MSI2: variants seen among roughly 807,000 people sequenced by gnomAD.
The protein encoded by MSI2 is musashi RNA binding protein 2.
Under a neutral mutation model 45.6 loss-of-function variants are expected in MSI2, and 17 were observed. The ratio of observed to expected loss-of-function variants is 0.37; its 90% confidence interval spans 0.26 to 0.56. The LOEUF (loss-of-function observed/expected upper bound fraction) is 0.56, where lower values mean the gene tolerates loss of function less well. MSI2 is among the 20% of genes least tolerant of loss of function. The pLI is 0.77. For missense variants in MSI2, 293 were observed against 444.2 expected (o/e 0.66, Z 3.06); for synonymous variants, 156 against 158.2 (o/e 0.99, Z 0.11).
At chr17:57,605,355 G>C (rs1906437045) in intron 8 of MSI2, among the ~76,000 whole-genome samples, 1 of 152,236 alleles carries the variant, frequency 6.6e-6, no homozygotes, top group Non-Finnish European at 1.5e-5. Context: ...CCTGCAGGGA[G>C]TGGCCTCCCA....
chr17:57,423,889 T>C (rs567577163), intron 6 of MSI2, among the ~76,000 whole-genome samples: 1 of 152,340 alleles, frequency 6.6e-6, no homozygotes, highest in Admixed American at 6.5e-5. Context: ...TACAATATTA[T>C]TAAAAATCCA....
chr17:57,384,041 T>C (rs1378570863), intron 5 of MSI2, among the ~76,000 whole-genome samples: 1 of 152,276 alleles, frequency 6.6e-6, no homozygotes. Context: ...CTCTTCATCC[T>C]ACTAAACATC....
At chr17:57,425,800 G>C (rs184223576) in intron 6 of MSI2, among the ~76,000 whole-genome samples, 3 of 152,268 alleles carry the variant, frequency 2.0e-5, no homozygotes, top group African/African-American at 7.2e-5. Context: ...ATAATAATAC[G>C]TTTTACAATT....
At chr17:57,493,781 C>T (rs2085922288) in intron 6 of MSI2, among the ~76,000 whole-genome samples, 1 of 152,036 alleles carries the variant, frequency 6.6e-6, no homozygotes, top group African/African-American at 2.4e-5. Flanking sequence ...GGTAGCCTTG[C>T]TCTTCCTCCC....
chr17:57,667,746 T>G (rs532030519), intron 11 of MSI2, among the ~76,000 whole-genome samples: 1 of 152,342 alleles, frequency 6.6e-6, no homozygotes, highest in East Asian at 1.9e-4. Context: ...CATTCAAGGC[T>G]GCTCCATCCC....
chr17:57,681,238 A>C lies in MSI2; in HGVS notation c.*1721A>C, dbSNP rs1417366167. ...ATACTTATGATGAAGGATATTTTTTAATTTAACTTTTTTTTAAATATTGGT... is the reference window on the plus strand; with the variant it reads ...ATACTTATGATGAAGGATATTTTTTCATTTAACTTTTTTTTAAATATTGGT... On this transcript the variant is annotated 3_prime_UTR_variant, in exon 14 of 14. Coordinates refer to ENST00000284073, the MANE Select transcript of MSI2 (RefSeq NM_138962.4). 2.2e-5 allele frequency: 4 copies of C among 184,744 alleles called. No homozygotes were observed. In the Admixed American group the frequency reaches 2.5e-4, roughly 12 times the overall value. The allele number at this position is 184,744 out of a possible 1,614,324, so 11.4% of individuals were successfully genotyped here.
At chr17:57,428,142 T>C (rs906077789) in intron 6 of MSI2, among the ~76,000 whole-genome samples, 2 of 152,214 alleles carry the variant, frequency 1.3e-5, no homozygotes, top group African/African-American at 4.8e-5. Context: ...TATATTATAA[T>C]GATCTAAAGA....
At chr17:57,633,330 C>G (rs1429195052) in intron 10 of MSI2, 3 of 292,724 alleles carry the variant, frequency 1.0e-5, no homozygotes, top group African/African-American at 6.8e-5. Flanking sequence ...TGTTCCCAGC[C>G]CTCCCTGCCT....
chr17:57,668,265 A>C (rs1481088693), intron 11 of MSI2, among the ~76,000 whole-genome samples: 2 of 152,162 alleles, frequency 1.3e-5, no homozygotes, highest in African/African-American at 4.8e-5. Flanking sequence ...CACCAATCCG[A>C]ATGGTAGTGT....
rs568807958 is a variant in MSI2 at position 57,301,623 on chromosome 17, T to C, written c.312+39431T>C. On this transcript the variant is annotated intron_variant, in intron 5 of 13. Coordinates refer to ENST00000284073, the MANE Select transcript of MSI2 (RefSeq NM_138962.4). Reference sequence around the variant, plus strand: ...ATGTGGTGTTTGTGGCATTCATTCATGTTGATGCAGGCAACTGCAGCTCAT... The same window carrying C: ...ATGTGGTGTTTGTGGCATTCATTCACGTTGATGCAGGCAACTGCAGCTCAT... Among the ~76,000 whole-genome samples the C allele has an allele frequency of 4.1e-4, 63 of 152,392 alleles. 2 individuals carry two copies. In the South Asian group the frequency reaches 0.012, roughly 29 times the overall value.
chr17:57,476,049 C>T (rs747114800), intron 6 of MSI2, among the ~76,000 whole-genome samples: 1 of 152,148 alleles, frequency 6.6e-6, no homozygotes, highest in Non-Finnish European at 1.5e-5. Flanking sequence ...GTCAGCGCTG[C>T]AGAATGGTGT....
At chr17:57,441,883 C>G (rs1332757244) in intron 6 of MSI2, among the ~76,000 whole-genome samples, 1 of 152,056 alleles carries the variant, frequency 6.6e-6, no homozygotes, top group Non-Finnish European at 1.5e-5. Flanking sequence ...ATTATTATTT[C>G]ACTATTTATT....
chr17:57,445,315 A>G (rs2084877137), intron 6 of MSI2, among the ~76,000 whole-genome samples: 1 of 152,226 alleles, frequency 6.6e-6, no homozygotes, highest in South Asian at 2.1e-4. Flanking sequence ...TTTTGTACAT[A>G]CAAGCCTTTT....
At chr17:57,324,984 A>G (rs1242808729) in intron 5 of MSI2, among the ~76,000 whole-genome samples, 1 of 152,178 alleles carries the variant, frequency 6.6e-6, no homozygotes, top group Non-Finnish European at 1.5e-5. Context: ...TGCCAAAATC[A>G]CCACTTTGTC....
At chr17:57,667,860 G>A (rs1486575745) in intron 11 of MSI2, among the ~76,000 whole-genome samples, 3 of 152,246 alleles carry the variant, frequency 2.0e-5, no homozygotes, top group East Asian at 1.9e-4. Context: ...CTGGCCTTGG[G>A]GCTTGAGATA....
At chr17:57,586,222 C>A (rs1363908602) in intron 7 of MSI2, among the ~76,000 whole-genome samples, 1 of 152,150 alleles carries the variant, frequency 6.6e-6, no homozygotes, top group Non-Finnish European at 1.5e-5. Context: ...GTGCTTTTTC[C>A]CACTCAGTTA....
intron 5 of MSI2, among the ~76,000 whole-genome samples, chr17:57,291,687 C>A (rs925267863): frequency 6.6e-6 from 1 of 152,116 alleles, no homozygotes; most frequent in Non-Finnish European, 1.5e-5. Flanking sequence ...GCAGGTCCCG[C>A]ACTTGAATTG....
intron 5 of MSI2, among the ~76,000 whole-genome samples, chr17:57,294,487 A>G (rs948873502): frequency 2.0e-5 from 3 of 152,178 alleles, no homozygotes; most frequent in African/African-American, 7.2e-5. Flanking sequence ...AATGTTTCCA[A>G]GTATACCATG....
chr17:57,331,972 T>C (rs1348538600), intron 5 of MSI2, among the ~76,000 whole-genome samples: 6 of 152,140 alleles, frequency 3.9e-5, no homozygotes, highest in Non-Finnish European at 8.8e-5. Flanking sequence ...CACCACCTCA[T>C]TGTGGTCTCT....
Sources: allele counts gnomAD v4.1 joint callset (sites outside exome capture counted in the v4.1 genomes callset), GRCh38; gene constraint gnomAD v4.1.1; transcripts MANE v1.5; gene names NCBI Gene and HGNC (gene_info 2026-07-23, HGNC 2026-07-21).